MED21: variants seen among roughly 807,000 people sequenced by gnomAD.
The protein encoded by MED21 is mediator of RNA polymerase II transcription subunit 21.
MED21 carries 9 observed loss-of-function variants against 18.2 expected under a neutral mutation model. The ratio of observed to expected loss-of-function variants is 0.49; its 90% CI spans 0.30 to 0.86. The LOEUF is 0.86. Among genes scored for constraint, MED21 ranks in the 40% least tolerant of loss-of-function variants. MED21 has a pLI of 0.07. For missense variants in MED21, 150 were observed against 170.9 expected, an observed-to-expected ratio of 0.88 and a Z score of 0.68; for synonymous variants, 73 against 60.5, an observed-to-expected ratio of 1.21 and a Z score of -0.96.
At chr12:27,024,321 A>T (rs1000654685) in intron 1 of MED21, among the ~76,000 whole-genome samples, 3 of 151,922 alleles carry the variant, frequency 2.0e-5, no homozygotes, top group African/African-American at 7.2e-5. Flanking sequence ...GTAAGCTAAT[A>T]ACTTGGCATT....
intron 1 of MED21, among the ~76,000 whole-genome samples, chr12:27,023,150 C>A (rs1453599549): frequency 6.6e-6 from 1 of 152,072 alleles, no homozygotes; most frequent in Non-Finnish European, 1.5e-5. Flanking sequence ...GATTTTCTTT[C>A]ATCTTAGCTC....
At chr12:27,037,918 C>T (rs888740588) in intron 2 of MED21, 1 of 152,074 alleles carries the variant, frequency 6.6e-6, no homozygotes, top group African/African-American at 2.4e-5. Context: ...ATTCAAAATC[C>T]ATTTATGAAA....
chr12:27,035,900 C>T lies in MED21; in HGVS notation n.146+8453C>T, dbSNP rs60907931. On this transcript the variant is annotated intron_variant and non_coding_transcript_variant, in intron 2 of 4. Transcript: ENST00000538186. ...TGTGAATAGTGCCGCAATAGACATA[C>T]GTGTGCATGTGTCTTTATAGCAGCA... Among the ~76,000 whole-genome samples the T allele has an allele frequency of 3.8e-3, 573 of 151,948 alleles. 3 individuals carry two copies. The highest frequency in any genetic ancestry group is 0.013 in the African/African-American group (548 of 41,388).
At position 27,022,607 on chromosome 12, in the gene MED21, G is replaced by C; in HGVS notation, c.28G>C (p.Asp10His). The change falls in exon 1 of 4, where the codon GAC (aspartate) becomes CAC (histidine). Residue 10 changes from aspartate to histidine, a missense_variant. Transcript: ENST00000282892. MADRLTQLQ[D>H]AVNSLADQFC... Reference sequence around the variant, plus strand: ...GGCGGATCGGCTCACGCAGCTTCAGGACGCTGTGAATTCGGTGAGGAATTT... The same window carrying C: ...GGCGGATCGGCTCACGCAGCTTCAGCACGCTGTGAATTCGGTGAGGAATTT... 1 of 1,590,234 alleles carries C rather than the reference G, an allele frequency of 6.3e-7. No homozygotes were observed. The highest frequency in any genetic ancestry group is 1.4e-5 in the African/African-American group (1 of 74,060).
At chr12:27,025,282 C>A (rs1484735928) in intron 1 of MED21, among the ~76,000 whole-genome samples, 1 of 152,246 alleles carries the variant, frequency 6.6e-6, no homozygotes, top group Middle Eastern at 3.4e-3. Flanking sequence ...ATTAGCAAAA[C>A]CTGGGCAAAG....
At chr12:27,024,654 C>T (rs1184321850) in intron 1 of MED21, among the ~76,000 whole-genome samples, 3 of 152,192 alleles carry the variant, frequency 2.0e-5, no homozygotes, top group Non-Finnish European at 4.4e-5. Flanking sequence ...ATGGCCTTAA[C>T]TCCAGGTTAG....
In MED21 at chr12:27,028,418, A is replaced by C. The variant is rs200050129; in HGVS notation, c.392A>C (p.Lys131Thr). Residue 131 changes from lysine to threonine, a missense_variant, in exon 4 of 4, where the codon AAG (lysine) becomes ACG (threonine). Coordinates refer to ENST00000282892, the MANE Select transcript of MED21 (RefSeq NM_004264.5). ...GCTGATATTGCACAGTCACAGCTGAAGACAAGAAGTGGTACCCATAGCCAG... is the reference window on the plus strand; with the variant it reads ...GCTGATATTGCACAGTCACAGCTGACGACAAGAAGTGGTACCCATAGCCAG... Reference protein sequence around the residue: ...ALADIAQSQLKTRSGTHSQSL... With the variant: ...ALADIAQSQLTTRSGTHSQSL... 10 of 1,614,030 alleles carry C rather than the reference A, an allele frequency of 6.2e-6. No homozygotes were observed. The South Asian group carries it at 1.1e-4, about 18-fold the overall frequency.
chr12:27,037,017 A>C (rs1055406212), intron 2 of MED21: 1 of 152,126 alleles, frequency 6.6e-6, no homozygotes, highest in Non-Finnish European at 1.5e-5. Context: ...TTGAATCTAT[A>C]AATTACCTTG....
chr12:27,035,545 G>A (rs1296638575), downstream of MED21, among the ~76,000 whole-genome samples: 48 of 147,446 alleles, frequency 3.3e-4, no homozygotes, highest in Non-Finnish European at 6.0e-4. Context: ...CCGTTAACTC[G>A]TCATTTAGCA....
chr12:27,023,867 C>A (rs1941509360), intron 1 of MED21, among the ~76,000 whole-genome samples: 1 of 151,966 alleles, frequency 6.6e-6, no homozygotes, highest in South Asian at 2.1e-4. Context: ...ATACATAAAC[C>A]AGTAACAAAG....
At position 27,022,738 on chromosome 12, in the gene MED21, C is replaced by T. The variant is rs774997051; in HGVS notation, c.42+117C>T. The T allele has an allele frequency of 9.5e-6, 15 of 1,577,850 alleles. No homozygotes were observed. The African/African-American group carries it at 1.5e-4, about 16-fold the overall frequency. ...GGGAGCGGACTGAGAGACAGGGCTT[C>T]GGCATAAAGCGCTCTCTCGGGAGGC... On this transcript the variant is annotated intron_variant, in intron 1 of 3. Transcript: ENST00000282892.
At position 27,030,247 on chromosome 12, in the gene MED21, A is replaced by G; in HGVS notation, c.*1786A>G. 1 of 619,614 alleles carries G rather than the reference A, an allele frequency of 1.6e-6. No homozygotes were observed. Among genetic ancestry groups the G allele is most frequent in the Non-Finnish European group, 2.9e-6 (1 of 339,130 alleles). The allele number at this position is 619,614 out of a possible 1,614,324, so 38.4% of individuals were successfully genotyped here. ...TGGGTTCAGGTGATCCTCCCACTTC[A>G]GCCTCTTCAGTAACTGGGACTACAG... is the stretch of plus-strand genomic sequence containing the variant. On this transcript the variant is annotated 3_prime_UTR_variant, in exon 4 of 4. Transcript: ENST00000282892.
At chr12:27,034,609 T>C (rs769168665), downstream of MED21, among the ~76,000 whole-genome samples, 31 of 151,604 alleles carry the variant, frequency 2.0e-4, no homozygotes, top group Middle Eastern at 3.5e-3. Context: ...ACCAGCTAAT[T>C]TTTGTATTTT....
In MED21 at chr12:27,027,465, T is replaced by G; in HGVS notation, c.258+18T>G. 6.4e-7 allele frequency: 1 copy of G among 1,570,526 alleles called. No individual in the cohort carries two copies. Among genetic ancestry groups the G allele is most frequent in the South Asian group, 1.1e-5 (1 of 88,144 alleles). On this transcript the variant is annotated intron_variant, in intron 3 of 3. Coordinates refer to ENST00000282892, the MANE Select transcript of MED21 (RefSeq NM_004264.5). ...CTTTACAGGTAAGCCTCTATTCCTT[T>G]GAGAATTTTACCAGTAATAGAGAAT...
chr12:27,029,285 A>G lies in MED21; in HGVS notation c.*824A>G. The G allele has an allele frequency of 7.1e-6, 7 of 985,350 alleles. No homozygotes were observed. The highest frequency in any genetic ancestry group is 8.4e-6 in the Non-Finnish European group (7 of 829,872). The allele number at this position is 985,350 out of a possible 1,614,324, so 61.0% of individuals were successfully genotyped here. On this transcript the variant is annotated 3_prime_UTR_variant, in exon 4 of 4. Coordinates refer to ENST00000282892, the MANE Select transcript of MED21 (RefSeq NM_004264.5). ...ATTGCTGTATTCTAGTCAGACCAGA[A>G]CATACTTCCACTACATCAGTTACTT... is the stretch of plus-strand genomic sequence containing the variant.
intron 1 of MED21, among the ~76,000 whole-genome samples, chr12:27,025,314 T>C (rs933067086): frequency 1.3e-5 from 2 of 152,224 alleles, no homozygotes; most frequent in Non-Finnish European, 2.9e-5. Context: ...TAAGTGACTT[T>C]ATGACTAGTT....
rs1565480640 is a variant in MED21 at position 27,028,898 on chromosome 12, G to A, written c.*437G>A. 1.0e-6 allele frequency: 1 copy of A among 985,868 alleles called. No individual in the cohort carries two copies. The highest frequency in any genetic ancestry group is 6.1e-5 in the Admixed American group (1 of 16,336). 61.1% of individuals were successfully genotyped at this position (985,868 alleles called of 1,614,324 possible). A position where few individuals can be genotyped will look rare whatever the true frequency, so the allele number is the denominator to read the frequency against. On this transcript the variant is annotated 3_prime_UTR_variant, in exon 4 of 4. Transcript: ENST00000282892. ...TGTCCTGCCTCTTAGAGGTGGCATT[G>A]TGTAAATCTGAGCTTTGAGCAAGAA...
chr12:27,033,400 T>C (rs1224689085), downstream of MED21, among the ~76,000 whole-genome samples: 1 of 152,210 alleles, frequency 6.6e-6, no homozygotes, highest in Non-Finnish European at 1.5e-5. Context: ...CTAGTCATTT[T>C]TCAAAGGCTC....
chr12:27,030,106 C>T lies in MED21; in HGVS notation c.*1645C>T, dbSNP rs185814501. ...AATTAACGTTGTTGTATGTGATTCT[C>T]TGTAGAGGATATACAGTTTTTTTTT... On this transcript the variant is annotated 3_prime_UTR_variant, in exon 4 of 4. Coordinates refer to ENST00000282892, the MANE Select transcript of MED21 (RefSeq NM_004264.5). 7 of 564,024 alleles carry T rather than the reference C, an allele frequency of 1.2e-5. No individual in the cohort carries two copies. The highest frequency in any genetic ancestry group is 7.6e-5 in the African/African-American group (4 of 52,962). 34.9% of individuals were successfully genotyped at this position (564,024 alleles called of 1,614,324 possible).
Sources: allele counts gnomAD v4.1 joint callset (sites outside exome capture counted in the v4.1 genomes callset), GRCh38; gene constraint gnomAD v4.1.1; transcripts MANE v1.5; gene names NCBI Gene and HGNC (gene_info 2026-07-23, HGNC 2026-07-21).